Variants in AFMID observed in about 807,000 individuals in gnomAD.
AFMID encodes arylformamidase, also known as kynurenine formamidase.
A neutral mutation model predicts 47.5 loss-of-function variants in AFMID; 39 were observed. That is an observed-to-expected ratio of 0.82 (90% CI 0.64 to 1.07). The LOEUF (loss-of-function observed/expected upper bound fraction) is 1.07. Ranked by LOEUF, AFMID falls within the 50% of genes least tolerant of loss-of-function variation. The pLI is 0.00. For missense variants in AFMID, 375 were observed against 387.5 expected, an observed-to-expected ratio of 0.97 and a Z score of 0.27; for synonymous variants, 130 against 153.2, an observed-to-expected ratio of 0.85 and a Z score of 1.12.
rs574619477 is a variant in AFMID, at chr17:78,200,176, TAC to T, written c.155-2321_155-2320del. 2.2e-3 allele frequency among the ~76,000 whole-genome samples: 328 copies of T among 152,060 alleles called. 1 individual carries two copies. The highest frequency in any genetic ancestry group is 3.5e-3 in the Non-Finnish European group (241 of 68,006). On this transcript the variant is annotated intron_variant, in intron 2 of 10. Transcript: ENST00000409257. ...GTTTGGTTTGGTTTGGTTTGTTTGA[TAC>T]AGAGTCTTGCTCTGTCGCCCAGGCT...
chr17:78,198,380 C>T (rs1178690386), intron 2 of AFMID, among the ~76,000 whole-genome samples: 1 of 151,748 alleles, frequency 6.6e-6, no homozygotes, highest in Non-Finnish European at 1.5e-5. Flanking sequence ...GGGGATATCA[C>T]TCAAGGTCAG....
chr17:78,192,262 C>T (rs897170537), intron 2 of AFMID, among the ~76,000 whole-genome samples: 33 of 148,708 alleles, frequency 2.2e-4, no homozygotes, highest in African/African-American at 7.2e-4. Context: ...TCGCCCTCCT[C>T]GGCCTCCCAA....
chr17:78,194,393 A>G (rs1337051609), intron 2 of AFMID, among the ~76,000 whole-genome samples: 1 of 152,168 alleles, frequency 6.6e-6, no homozygotes. Context: ...TGCTGGGATT[A>G]TAGGCGTGAG....
chr17:78,191,078 C>T lies in AFMID; in HGVS notation c.154+18C>T. 1 of 1,608,164 alleles carries T rather than the reference C, an allele frequency of 6.2e-7. No homozygotes were observed. The highest frequency in any genetic ancestry group is 8.5e-7 in the Non-Finnish European group (1 of 1,175,236). On this transcript the variant is annotated intron_variant, in intron 2 of 10. Coordinates refer to ENST00000409257, the MANE Select transcript of AFMID (RefSeq NM_001010982.5). ...AATTGAAGGTACTAGTGTGACCTCT[C>T]CGTGGCCGCATTGGGTGTCCTTAAG...
At chr17:78,188,868 T>A (rs2075880998) in intron 1 of AFMID, among the ~76,000 whole-genome samples, 1 of 151,844 alleles carries the variant, frequency 6.6e-6, no homozygotes, top group South Asian at 2.1e-4. Flanking sequence ...AAGTGCTGGG[T>A]TTACAGGCAT....
chr17:78,202,729 G>T lies in AFMID; in HGVS notation c.286G>T (p.Gly96Ter). Residue 96 changes from glycine (G) to a stop codon, truncating the protein, a stop_gained, in exon 4 of 11, where the codon GGA (glycine) becomes TGA (stop). Transcript: ENST00000409257. LOFTEE classifies it high-confidence loss of function. Reference sequence around the variant, plus strand: ...CTTGCCTTTCTTCCTGTTCTTTCACGGAGGATACTGGCAGAGCGGAAGGTG... The same window carrying T: ...CTTGCCTTTCTTCCTGTTCTTTCACTGAGGATACTGGCAGAGCGGAAGGTG... ...EALPFFLFFH[G>*]GYWQSGSKDE... is the part of the protein sequence containing the mutation. 6.4e-7 allele frequency: 1 copy of T among 1,558,978 alleles called. No individual in the cohort carries two copies. The highest frequency in any genetic ancestry group is 8.7e-7 in the Non-Finnish European group (1 of 1,151,016).
intron 4 of AFMID, chr17:78,203,010 T>C: frequency 2.0e-6 from 1 of 496,190 alleles, no homozygotes; most frequent in Non-Finnish European, 3.6e-6. Flanking sequence ...TCTGCCTCCA[T>C]TCACATGTGA....
intron 4 of AFMID, 33 bp from the exon 5 acceptor site, chr17:78,204,623 G>A: frequency 1.2e-6 from 2 of 1,612,200 alleles, no homozygotes; most frequent in Non-Finnish European, 1.7e-6. Flanking sequence ...TGGCCAAGCT[G>A]CCTCCAGCTG....
chr17:78,205,353 G>T, intron 7 of AFMID, 87 bp from the exon 8 acceptor site: 1 of 1,509,412 alleles, frequency 6.6e-7, no homozygotes, highest in South Asian at 1.1e-5. Flanking sequence ...CCCTTCCCCT[G>T]GTCCTGCCCC....
intron 2 of AFMID, among the ~76,000 whole-genome samples, chr17:78,191,709 A>G (rs906639897): frequency 2.1e-5 from 3 of 143,020 alleles, no homozygotes; most frequent in African/African-American, 7.6e-5. Context: ...TTTTTTTTTG[A>G]GACTGAGTCT....
At chr17:78,195,277 C>T (rs983523148) in intron 2 of AFMID, among the ~76,000 whole-genome samples, 2 of 151,928 alleles carry the variant, frequency 1.3e-5, no homozygotes, top group African/African-American at 2.4e-5. Context: ...TCACTGCAAC[C>T]TCCACCTCCT....
At chr17:78,192,713 C>T in intron 2 of AFMID, 1 of 468,546 alleles carries the variant, frequency 2.1e-6, no homozygotes, top group Admixed American at 2.4e-5. Flanking sequence ...CTGCAAAGTG[C>T]TGTACCACGA....
intron 2 of AFMID, among the ~76,000 whole-genome samples, chr17:78,191,781 C>T (rs2075975734): frequency 6.6e-6 from 1 of 151,768 alleles, no homozygotes; most frequent in East Asian, 2.0e-4. Flanking sequence ...CCTCTGCTTC[C>T]CGGGTTCAAG....
intron 2 of AFMID, among the ~76,000 whole-genome samples, chr17:78,193,268 G>A (rs371308490): frequency 0.014 from 2,047 of 151,552 alleles, 43 homozygotes; most frequent in South Asian, 0.092. Flanking sequence ...CTACTCAGGA[G>A]GCTGAGGCAG....
In AFMID at chr17:78,204,775, G is replaced by A. The variant is rs371966634; in HGVS notation, c.394+34G>A. ...AGTGGTTGCTGCAGGTCCGAGGGCCGGTGGGCTTTAGGAGGAAGTGCATCC... is the reference window on the plus strand; with the variant it reads ...AGTGGTTGCTGCAGGTCCGAGGGCCAGTGGGCTTTAGGAGGAAGTGCATCC... On this transcript the variant is annotated intron_variant, in intron 5 of 10. Coordinates refer to ENST00000409257, the MANE Select transcript of AFMID (RefSeq NM_001010982.5). 1.5e-4 allele frequency: 245 copies of A among 1,614,126 alleles called. 1 individual carries two copies. In the South Asian group the frequency reaches 1.8e-3, roughly 12 times the overall value.
Position 78,202,596 on chromosome 17 carries a change from G to A in AFMID, c.252G>A (p.Ser84=), listed in dbSNP as rs189378031. The A allele has an allele frequency of 8.4e-4, 1,350 of 1,613,734 alleles. 13 individuals are homozygous for A. The East Asian group carries it at 0.012, about 15-fold the overall frequency. The part of the protein sequence containing the change: ...EKVDIYFPDE[S]SEALPFFLFF... ...TGGACATTTACTTCCCCGACGAGTC[G>A]TCTGAAGGTTGTCGGTGAAGGGGCT... Residue 84 remains serine, a synonymous_variant, in exon 3 of 11, where the codon TCG becomes TCA. Coordinates refer to ENST00000409257, the MANE Select transcript of AFMID (RefSeq NM_001010982.5).
rs555838024 is a variant in AFMID at position 78,202,385 on chromosome 17, C to T, written c.155-114C>T. On this transcript the variant is annotated intron_variant, in intron 2 of 10. Coordinates refer to ENST00000409257, the MANE Select transcript of AFMID (RefSeq NM_001010982.5). ...TGGAGATTGCAGTGAGCCGAGATCG[C>T]GCCACTGCACTCCAGCTTGGGCAAC... 1.9e-3 allele frequency: 1,908 copies of T among 980,530 alleles called. 4 individuals carry two copies. Among genetic ancestry groups the T allele is most frequent in the Non-Finnish European group, 2.2e-3 (1,413 of 646,990 alleles). 60.7% of individuals were successfully genotyped at this position (980,530 alleles called of 1,614,324 possible). A position where few individuals can be genotyped will look rare whatever the true frequency, so the allele number is the denominator to read the frequency against.
At chr17:78,203,017 G>T in intron 4 of AFMID, 1 of 387,220 alleles carries the variant, frequency 2.6e-6, no homozygotes, top group Non-Finnish European at 4.7e-6. Flanking sequence ...CCATTCACAT[G>T]TGATCCTGGT....
chr17:78,202,022 A>G (rs4340385), intron 2 of AFMID, among the ~76,000 whole-genome samples: 27,607 of 151,296 alleles, frequency 0.18, 3,030 homozygotes, highest in East Asian at 0.39. Context: ...GAGCCACTGC[A>G]CCCAGCCTGG....
Sources: allele counts gnomAD v4.1 joint callset (sites outside exome capture counted in the v4.1 genomes callset), GRCh38; gene constraint gnomAD v4.1.1; transcripts MANE v1.5; gene names NCBI Gene and HGNC (gene_info 2026-07-23, HGNC 2026-07-21).